The following PRSS54 variants were observed in gnomAD, a reference collection of about 807,000 sequenced individuals.
PRSS54 encodes serine protease 54.
In PRSS54, 16 loss-of-function variants were observed where a neutral mutation model predicts 19.9. The observed-to-expected ratio is 0.80, with a 90% CI of 0.54 to 1.22. The LOEUF is 1.22. Among genes scored for constraint, PRSS54 ranks in the 50% most tolerant of loss-of-function variants. The pLI is 0.00. For missense variants in PRSS54, 444 were observed against 494.8 expected (o/e 0.90, Z 0.97); for synonymous variants, 177 against 195.8 (o/e 0.90, Z 0.80).
chr16:58,287,718 C>A (rs866695975), intron 4 of PRSS54, among the ~76,000 whole-genome samples: 6 of 152,200 alleles, frequency 3.9e-5, no homozygotes, highest in Middle Eastern at 3.4e-3. Context: ...TCTGAAGGGG[C>A]AGGTGGGGGA....
intron 3 of PRSS54, among the ~76,000 whole-genome samples, chr16:58,291,387 A>G (rs1965036974): frequency 1.1e-4 from 16 of 152,164 alleles, no homozygotes; most frequent in Admixed American, 1.0e-3. Flanking sequence ...GCCACCTTTC[A>G]TATTCATCAG....
chr16:58,280,979 G>T, intron 6 of PRSS54: 1 of 538,256 alleles, frequency 1.9e-6, no homozygotes, highest in Non-Finnish European at 3.3e-6. Flanking sequence ...GACTTCTGCT[G>T]ATTGCCTATA....
Position 58,285,003 on chromosome 16 carries a change from T to C in PRSS54, c.523-282A>G, listed in dbSNP as rs1165460696. Among the ~76,000 whole-genome samples, 5 of 152,062 alleles carry C rather than the reference T, an allele frequency of 3.3e-5. No individual in the cohort carries two copies. In the East Asian group the frequency reaches 9.6e-4, roughly 29 times the overall value. On this transcript the variant is annotated intron_variant, in intron 5 of 6. Transcript: ENST00000567164. ...CTAATTTTGGTATTTTTAATAGAGATGGAGTTTCACCATGTTGGTCAGGCT... is the reference window on the plus strand; with the variant it reads ...CTAATTTTGGTATTTTTAATAGAGACGGAGTTTCACCATGTTGGTCAGGCT...
intron 4 of PRSS54, among the ~76,000 whole-genome samples, chr16:58,288,380 C>T (rs1317025275): frequency 2.0e-5 from 3 of 152,180 alleles, no homozygotes; most frequent in Non-Finnish European, 2.9e-5. Context: ...GAGCTGAGAT[C>T]GCACTGCTAT....
intron 6 of PRSS54, chr16:58,281,288 G>A: frequency 6.3e-6 from 1 of 158,664 alleles, no homozygotes; most frequent in Non-Finnish European, 1.4e-5. Context: ...TGACGGAGTA[G>A]AAGCTTGGCA....
rs1313765825 is a variant in PRSS54 at position 58,280,303 on chromosome 16, G to A, written c.1109C>T (p.Ala370Val). 4 of 1,614,056 alleles carry A rather than the reference G, an allele frequency of 2.5e-6. No individual in the cohort carries two copies. The highest frequency in any genetic ancestry group is 2.2e-5 in the East Asian group (1 of 44,874). Residue 370 changes from alanine (A) to valine (V), a missense_variant, in exon 7 of 7, where the codon GCA becomes GTA. Physicochemically the swap from Ala to Val is moderately conservative, Grantham distance 64. Coordinates refer to ENST00000567164, the MANE Select transcript of PRSS54 (RefSeq NM_001305173.2). ...GGGCTGATACAACCTGTTCTGACCT[G>A]CAAAAATCCTACCTTCCCCCACCTC... is the stretch of plus-strand genomic sequence containing the variant. ...GGEVGEGRIF[A>V]GQNRLYQPEE...
rs367701903 is a variant in PRSS54 at position 58,291,128 on chromosome 16, C to G, written c.94G>C (p.Val32Leu). Reference sequence around the variant, plus strand: ...CCGTAGAAAACGGAAGCTTTCTGGACGCCACAACCTGCGGAGCAGGTGCGG... The same window carrying G: ...CCGTAGAAAACGGAAGCTTTCTGGAGGCCACAACCTGCGGAGCAGGTGCGG... ...GLLYSSTSCG[V>L]QKASVFYGPD... Residue 32 changes from valine (V) to leucine (L), a missense_variant, in exon 4 of 7, where the codon GTC (valine) becomes CTC (leucine). Val to Leu is a conservative substitution (Grantham distance 32, BLOSUM62 1). Coordinates refer to ENST00000567164, the MANE Select transcript of PRSS54 (RefSeq NM_001305173.2). 6.2e-7 allele frequency: 1 copy of G among 1,613,848 alleles called. No homozygotes were observed. The highest frequency in any genetic ancestry group is 1.1e-5 in the South Asian group (1 of 91,076).
At position 58,284,611 on chromosome 16, in the gene PRSS54, C is replaced by T; in HGVS notation, c.633G>A (p.Glu211=). 1 of 1,614,048 alleles carries T rather than the reference C, an allele frequency of 6.2e-7. No homozygotes were observed. Among genetic ancestry groups the T allele is most frequent in the Non-Finnish European group, 8.5e-7 (1 of 1,179,958 alleles). ...TTACCAAGCAGGCAGTCTTGGTTTCCTCTTTCGTGTGGCTGCCGCATTCTG... is the reference window on the plus strand; with the variant it reads ...TTACCAAGCAGGCAGTCTTGGTTTCTTCTTTCGTGTGGCTGCCGCATTCTG... ...QKTECGSHTK[E]ETKTACLGDP... Residue 211 remains glutamate (E), a synonymous_variant, in exon 6 of 7, where the codon GAG becomes GAA. Transcript: ENST00000567164.
In PRSS54 at chr16:58,294,111, C is replaced by G; in HGVS notation, c.-133G>C. 2.5e-6 allele frequency: 1 copy of G among 397,514 alleles called. No homozygotes were observed. Among genetic ancestry groups the G allele is most frequent in the Non-Finnish European group, 4.7e-6 (1 of 214,398 alleles). The allele number at this position is 397,514 out of a possible 1,614,324, so 24.6% of individuals were successfully genotyped here. A position where few individuals can be genotyped will look rare whatever the true frequency, so the allele number is the denominator to read the frequency against. On this transcript the variant is annotated 5_prime_UTR_variant, in exon 2 of 7. Transcript: ENST00000567164. ...CTTGTCAGTTTTCTTCTCAATCCAG[C>G]CCAAGCCCCTGAGCACCCCAGAGAG...
chr16:58,283,054 C>G (rs11865985), intron 6 of PRSS54: 1 of 152,220 alleles, frequency 6.6e-6, no homozygotes, highest in Non-Finnish European at 1.5e-5. Context: ...CCCAAGGGAG[C>G]GGCCACAGCC....
intron 1 of PRSS54, among the ~76,000 whole-genome samples, chr16:58,294,627 G>A (rs1055583442): frequency 3.3e-5 from 5 of 152,228 alleles, no homozygotes; most frequent in South Asian, 4.2e-4. Flanking sequence ...TGATCCACCC[G>A]CCTCAGTCTC....
chr16:58,287,956 G>T (rs1318888732), intron 4 of PRSS54, among the ~76,000 whole-genome samples: 3 of 152,090 alleles, frequency 2.0e-5, no homozygotes, highest in Non-Finnish European at 4.4e-5. Context: ...TTTATATATT[G>T]AATTATACAC....
In PRSS54 at chr16:58,293,768, G is replaced by C. The variant is rs1270590288; in HGVS notation, c.49C>G (p.Leu17Val). 1 of 1,613,416 alleles carries C rather than the reference G, an allele frequency of 6.2e-7. No individual in the cohort carries two copies. Among genetic ancestry groups the C allele is most frequent in the South Asian group, 1.1e-5 (1 of 90,818 alleles). The change falls in exon 3 of 7, where the codon CTC (leucine) becomes GTC (valine). Residue 17 changes from leucine (L) to valine (V), a missense_variant. Coordinates refer to ENST00000567164, the MANE Select transcript of PRSS54 (RefSeq NM_001305173.2). ...TAGAGAAGGCCGAGCAGCACCAGGA[G>C]CACCCCTCGCATCTTGCCATCCCCA... ...LSGDGKMRGV[L>V]LVLLGLLYSS...
intron 3 of PRSS54, among the ~76,000 whole-genome samples, chr16:58,291,820 G>A (rs552746279): frequency 1.3e-5 from 2 of 152,288 alleles, no homozygotes; most frequent in Middle Eastern, 6.8e-3. Context: ...GACATTATTT[G>A]CATTTTTGCT....
chr16:58,293,566 C>T (rs1005691743), intron 3 of PRSS54, 166 bp downstream of exon 3: 2 of 985,358 alleles, frequency 2.0e-6, no homozygotes, highest in African/African-American at 3.5e-5. Context: ...TGATTCACTT[C>T]TTTGCCTGGT....
At chr16:58,289,116 G>GA (rs1964982017) in intron 4 of PRSS54, among the ~76,000 whole-genome samples, 1 of 152,194 alleles carries the variant, frequency 6.6e-6, no homozygotes, top group African/African-American at 2.4e-5. Flanking sequence ...GAGGACTGGT[G>GA]TCCCTATAAG....
chr16:58,294,809 A>G (rs1436569273), intron 1 of PRSS54, 78 bp downstream of exon 1: 20 of 152,436 alleles, frequency 1.3e-4, no homozygotes, highest in Admixed American at 1.2e-3. Flanking sequence ...AGAGACATCA[A>G]CTAGCCAGTC....
At chr16:58,291,978 G>T (rs945255882) in intron 3 of PRSS54, among the ~76,000 whole-genome samples, 1 of 151,930 alleles carries the variant, frequency 6.6e-6, no homozygotes, top group Non-Finnish European at 1.5e-5. Context: ...CGCCCGGCTG[G>T]AGTGCAATGG....
In PRSS54 at chr16:58,280,146, G is replaced by A. The variant is rs1374634410; in HGVS notation, c.*78C>T. ...CCCCAGTGTGCAACTATCAAAAACA[G>A]ACATCAAAACAGCATGGTGAATGCC... On this transcript the variant is annotated 3_prime_UTR_variant, in exon 7 of 7. Transcript: ENST00000567164. The A allele has an allele frequency of 2.8e-6, 4 of 1,429,280 alleles. No homozygotes were observed. The African/African-American group carries it at 4.3e-5, about 15-fold the overall frequency. 88.5% of individuals were successfully genotyped at this position (1,429,280 alleles called of 1,614,324 possible).
Sources: allele counts gnomAD v4.1 joint callset (sites outside exome capture counted in the v4.1 genomes callset), GRCh38; gene constraint gnomAD v4.1.1; transcripts MANE v1.5; gene names NCBI Gene and HGNC (gene_info 2026-07-23, HGNC 2026-07-21).